The following PRR16 variants were observed in gnomAD, a reference collection of about 807,000 sequenced individuals.
The protein encoded by PRR16 is proline rich 16, also known as protein Largen.
PRR16 carries 6 observed loss-of-function variants against 18.2 expected under a neutral mutation model. That is an observed-to-expected ratio of 0.33 (90% CI 0.18 to 0.65). The LOEUF is 0.65. Ranked by LOEUF, PRR16 falls within the 30% of genes least tolerant of loss-of-function variation. The pLI is 0.74. For missense variants in PRR16, 412 were observed against 376.6 expected, an observed-to-expected ratio of 1.09 and a Z score of -0.78; for synonymous variants, 151 against 147.8, an observed-to-expected ratio of 1.02 and a Z score of -0.16.
intron 1 of PRR16, among the ~76,000 whole-genome samples, chr5:120,562,376 G>A (rs1400447022): frequency 1.3e-5 from 2 of 151,900 alleles, no homozygotes; most frequent in Non-Finnish European, 2.9e-5. Flanking sequence ...TATTTTTATA[G>A]GAGAAGTGTA....
At chr5:120,780,070 A>G in the PRR16 span, among the ~76,000 whole-genome samples, 4 of 152,290 alleles carry the variant, frequency 2.6e-5, no homozygotes, top group Non-Finnish European at 2.9e-5. Flanking sequence ...ATTAATGTCT[A>G]TCCTTTTTGT....
chr5:120,753,549 T>C, the PRR16 span, among the ~76,000 whole-genome samples: 6 of 151,666 alleles, frequency 4.0e-5, no homozygotes, highest in African/African-American at 1.5e-4. Flanking sequence ...TGTGTGTTTA[T>C]TTTTTATTAA....
At chr5:120,628,968 T>A (rs1231339588) in intron 1 of PRR16, among the ~76,000 whole-genome samples, 1 of 152,028 alleles carries the variant, frequency 6.6e-6, no homozygotes, top group Non-Finnish European at 1.5e-5. Context: ...GGGGTATAGA[T>A]TATTTTATAA....
At chr5:120,563,122 T>G (rs1253921233) in intron 1 of PRR16, among the ~76,000 whole-genome samples, 4 of 152,210 alleles carry the variant, frequency 2.6e-5, no homozygotes, top group Non-Finnish European at 5.9e-5. Context: ...TTCTTCTTCA[T>G]GCTTGAGGGA....
intron 1 of PRR16, among the ~76,000 whole-genome samples, chr5:120,575,318 A>ACACAC (rs1554084545): frequency 1.3e-4 from 18 of 138,256 alleles, no homozygotes; most frequent in African/African-American, 4.6e-4. Context: ...CAGACAAGGA[A>ACACAC]ACACACACAC....
At chr5:120,559,162 G>A (rs78301576) in intron 1 of PRR16, among the ~76,000 whole-genome samples, 4 of 151,672 alleles carry the variant, frequency 2.6e-5, no homozygotes, top group South Asian at 2.1e-4. Flanking sequence ...ATGTGATCCC[G>A]TTTGTTTCTT....
chr5:120,524,518 T>C (rs920819082), intron 1 of PRR16, among the ~76,000 whole-genome samples: 5 of 151,956 alleles, frequency 3.3e-5, no homozygotes, highest in Non-Finnish European at 5.9e-5. Flanking sequence ...ATGATTACCA[T>C]AGGCTGGGAA....
At chr5:120,577,987 G>A (rs956384225) in intron 1 of PRR16, among the ~76,000 whole-genome samples, 4 of 151,390 alleles carry the variant, frequency 2.6e-5, no homozygotes, top group Admixed American at 6.6e-5. Flanking sequence ...ACTTATGAGT[G>A]GAAAAAATAA....
chr5:120,614,791 T>C (rs972395515), intron 1 of PRR16, among the ~76,000 whole-genome samples: 1 of 152,200 alleles, frequency 6.6e-6, no homozygotes, highest in African/African-American at 2.4e-5. Flanking sequence ...ATGGAAAAAG[T>C]AGTGGCAATT....
chr5:120,474,226 T>C (rs1749363770), intron 1 of PRR16, among the ~76,000 whole-genome samples: 2 of 152,164 alleles, frequency 1.3e-5, no homozygotes, highest in Admixed American at 1.3e-4. Context: ...CTTTTTACCT[T>C]TAATCACTGG....
the PRR16 span, among the ~76,000 whole-genome samples, chr5:120,696,046 G>A: frequency 6.6e-6 from 1 of 152,066 alleles, no homozygotes; most frequent in South Asian, 2.1e-4. Context: ...CTCGAGACCA[G>A]CCTGACAAAG....
At chr5:120,765,991 T>C in the PRR16 span, among the ~76,000 whole-genome samples, 1 of 151,938 alleles carries the variant, frequency 6.6e-6, no homozygotes, top group African/African-American at 2.4e-5. Flanking sequence ...ACAATTTATT[T>C]ATCCATTCCA....
At chr5:120,585,037 T>C (rs1250742471) in intron 1 of PRR16, among the ~76,000 whole-genome samples, 1 of 152,196 alleles carries the variant, frequency 6.6e-6, no homozygotes, top group Non-Finnish European at 1.5e-5. Flanking sequence ...AAGTACTCTT[T>C]CAACTAAACA....
chr5:120,476,937 G>A (rs570918434), intron 1 of PRR16, among the ~76,000 whole-genome samples: 10 of 152,130 alleles, frequency 6.6e-5, no homozygotes, highest in African/African-American at 2.4e-4. Flanking sequence ...CCTCTATCAC[G>A]GTTGTCAGTG....
At chr5:120,530,281 A>ATATATATATATATATATATT (rs1447791509) in intron 1 of PRR16, among the ~76,000 whole-genome samples, 1 of 92,692 alleles carries the variant, frequency 1.1e-5, no homozygotes, top group African/African-American at 4.3e-5. Flanking sequence ...ATATATATAT[A>ATATATATATATATATATATT]TATTTATTTA....
intron 1 of PRR16, among the ~76,000 whole-genome samples, chr5:120,633,871 C>T (rs1271356728): frequency 2.6e-5 from 4 of 151,834 alleles, no homozygotes; most frequent in African/African-American, 9.7e-5. Context: ...CCACTGACAG[C>T]ACTAGATAGG....
intron 1 of PRR16, among the ~76,000 whole-genome samples, chr5:120,512,480 A>C (rs149770800): frequency 1.1e-3 from 169 of 152,244 alleles, no homozygotes; most frequent in Non-Finnish European, 1.9e-3. Flanking sequence ...CGTTATTCCC[A>C]GTAATCAGAA....
At chr5:120,642,783 C>G (rs956493943) in intron 1 of PRR16, among the ~76,000 whole-genome samples, 1 of 152,062 alleles carries the variant, frequency 6.6e-6, no homozygotes, top group Admixed American at 6.6e-5. Flanking sequence ...ATTACCACTG[C>G]CCACCCATAG....
intron 1 of PRR16, among the ~76,000 whole-genome samples, chr5:120,529,048 C>A (rs911231831): frequency 6.6e-6 from 1 of 151,808 alleles, no homozygotes; most frequent in African/African-American, 2.4e-5. Flanking sequence ...TTGTCTCCTC[C>A]CTGAAAAACA....
Sources: gnomAD v4.1 joint callset for allele counts (sites outside exome capture counted in the v4.1 genomes callset) on GRCh38, gnomAD v4.1.1 for gene constraint, MANE v1.5 for transcripts, NCBI Gene and HGNC (gene_info 2026-07-23, HGNC 2026-07-21) for gene names.